The following VAV2 variants were observed in gnomAD, a reference collection of about 807,000 sequenced individuals.
VAV2 encodes guanine nucleotide exchange factor VAV2.
In VAV2, 67 loss-of-function variants were observed where a neutral mutation model predicts 132.5. That is an observed-to-expected ratio of 0.51 (90% CI 0.42 to 0.62). The LOEUF (loss-of-function observed/expected upper bound fraction) is 0.62. VAV2 is among the 20% of genes least tolerant of loss of function. The pLI is 0.00. For synonymous variants in VAV2, 492 were observed against 443.5 expected (o/e 1.11, Z -1.37); for missense variants, 938 against 1,153.6 (o/e 0.81, Z 2.71).
chr9:133,915,668 GCACA>G (rs199923012), intron 2 of VAV2, among the ~76,000 whole-genome samples: 6 of 147,958 alleles, frequency 4.1e-5, no homozygotes, highest in Non-Finnish European at 6.0e-5. Context: ...ACGCACACAT[GCACA>G]CACACACAAT....
In VAV2 at chr9:133,769,061, ACCCAAGT is replaced by A. The variant is rs1445660804; in HGVS notation, c.2434+349_2434+355del. Among the ~76,000 whole-genome samples, 1 of 152,204 alleles carries A rather than the reference ACCCAAGT, an allele frequency of 6.6e-6. No homozygotes were observed. Among genetic ancestry groups the A allele is most frequent in the African/African-American group, 2.4e-5 (1 of 41,450 alleles). On this transcript the variant is annotated intron_variant, in intron 28 of 29. Transcript: ENST00000371850. The surrounding 1 kb of genome is among the most constrained non-coding windows in gnomAD (Gnocchi z 8.1). ...CTGACTGAAAACCCCTCCTCCCTGC[ACCCAAGT>A]CCCACAGCTCCTCCTCGTGGCCACC...
chr9:133,888,805 G>A (rs1564438147), intron 2 of VAV2, among the ~76,000 whole-genome samples: 1 of 152,192 alleles, frequency 6.6e-6, no homozygotes, highest in Non-Finnish European at 1.5e-5. Context: ...TTAATTTCTA[G>A]GTCCAGGGAG....
intron 13 of VAV2, 102 bp from the exon 14 acceptor site, chr9:133,789,445 C>T: frequency 9.0e-7 from 1 of 1,108,806 alleles, no homozygotes; most frequent in Non-Finnish European, 1.4e-6. Flanking sequence ...GAACTCCCCA[C>T]AGGCAGCAGA....
chr9:133,930,809 T>C (rs1840659542), intron 2 of VAV2, among the ~76,000 whole-genome samples: 5 of 152,022 alleles, frequency 3.3e-5, no homozygotes, highest in African/African-American at 1.2e-4. Flanking sequence ...AGGTGACCGG[T>C]GGTGTGCGTC....
At chr9:133,781,449 C>T (rs1834003793) in intron 19 of VAV2, among the ~76,000 whole-genome samples, 1 of 152,236 alleles carries the variant, frequency 6.6e-6, no homozygotes, top group Non-Finnish European at 1.5e-5. Context: ...TATCCACAGA[C>T]ACCACAGAAC....
intron 4 of VAV2, among the ~76,000 whole-genome samples, chr9:133,819,808 A>C (rs1000065163): frequency 3.3e-5 from 5 of 152,202 alleles, no homozygotes; most frequent in African/African-American, 7.2e-5. Flanking sequence ...TGAAATTCTA[A>C]AACAGTGGAA....
intron 2 of VAV2, among the ~76,000 whole-genome samples, chr9:133,878,909 A>T (rs1479310405): frequency 6.6e-6 from 1 of 152,196 alleles, no homozygotes; most frequent in African/African-American, 2.4e-5. Flanking sequence ...GCTCCTCCGC[A>T]GGGGCAGAAA....
intron 2 of VAV2, among the ~76,000 whole-genome samples, chr9:133,891,156 C>A (rs912969043): frequency 6.7e-6 from 1 of 149,864 alleles, no homozygotes; most frequent in African/African-American, 2.5e-5. Context: ...GCCCGGGGGA[C>A]AAGGGTGCAG....
intron 7 of VAV2, among the ~76,000 whole-genome samples, chr9:133,808,480 T>C (rs1354527488): frequency 5.9e-5 from 9 of 151,472 alleles, no homozygotes; most frequent in African/African-American, 2.2e-4. Flanking sequence ...CCAGGTGGGG[T>C]AGGGGAGGTG....
chr9:133,803,033 A>C (rs10123623), intron 9 of VAV2, among the ~76,000 whole-genome samples: 8 of 151,946 alleles, frequency 5.3e-5, no homozygotes, highest in African/African-American at 1.9e-4. Context: ...GTGGACCATG[A>C]CCGGGGACTC....
chr9:133,779,789 C>A (rs997185118), intron 21 of VAV2, 129 bp downstream of exon 21: 84 of 1,284,438 alleles, frequency 6.5e-5, no homozygotes, highest in Middle Eastern at 4.4e-4. Flanking sequence ...GCCCAGATGG[C>A]AGCATCCAGG....
At chr9:133,853,819 G>GCAC (rs534881949) in intron 3 of VAV2, among the ~76,000 whole-genome samples, 21 of 152,232 alleles carry the variant, frequency 1.4e-4, no homozygotes, top group Middle Eastern at 3.4e-3. Flanking sequence ...ACCATGAGGA[G>GCAC]CACCAGCCCT....
chr9:133,803,268 G>A (rs1459348221), intron 9 of VAV2, among the ~76,000 whole-genome samples: 4 of 152,136 alleles, frequency 2.6e-5, no homozygotes, highest in Admixed American at 1.3e-4. Context: ...TCCCAAAAGC[G>A]CTCGTGCAAA....
chr9:133,979,015 G>A (rs1489712955), intron 1 of VAV2, among the ~76,000 whole-genome samples: 1 of 152,232 alleles, frequency 6.6e-6, no homozygotes, highest in Non-Finnish European at 1.5e-5. Context: ...GCCAGCTCCT[G>A]ACCCCAGTGT....
At chr9:133,908,960 A>G (rs1588352736) in intron 2 of VAV2, among the ~76,000 whole-genome samples, 1 of 152,232 alleles carries the variant, frequency 6.6e-6, no homozygotes, top group Non-Finnish European at 1.5e-5. Context: ...CAGAACTCAC[A>G]CCTTCCACTA....
In VAV2 at chr9:133,802,963, T is replaced by TC. The variant is rs1429087007; in HGVS notation, c.836+3117_836+3118insG. On this transcript the variant is annotated intron_variant, in intron 9 of 29. Coordinates refer to ENST00000371850, the MANE Select transcript of VAV2 (RefSeq NM_001134398.2). This position sits in a 1 kb window ranked among gnomAD's most constrained non-coding sequence, Gnocchi z 5.8. Reference sequence around the variant, plus strand: ...AGCTGAGGCTTCTTGACTTCAGAGGTTCCCAAAGGCAGCCCTGCCAGAGCA... The same window carrying TC: ...AGCTGAGGCTTCTTGACTTCAGAGGTCTCCCAAAGGCAGCCCTGCCAGAGCA... Among the ~76,000 whole-genome samples, 4 of 152,094 alleles carry TC rather than the reference T, an allele frequency of 2.6e-5. No individual in the cohort carries two copies. The highest frequency in any genetic ancestry group is 2.6e-4 in the Admixed American group (4 of 15,282).
At chr9:133,784,218 T>A in intron 18 of VAV2, 99 bp downstream of exon 18, 1 of 1,344,620 alleles carries the variant, frequency 7.4e-7, no homozygotes, top group African/African-American at 1.4e-5. Context: ...CCTCAGGGCC[T>A]CCCACAGGGA....
chr9:133,941,564 A>G (rs944976507), intron 1 of VAV2, among the ~76,000 whole-genome samples: 1 of 150,976 alleles, frequency 6.6e-6, no homozygotes, highest in African/African-American at 2.4e-5. Context: ...ATTCTGAAGA[A>G]TACAGACATG....
intron 2 of VAV2, among the ~76,000 whole-genome samples, chr9:133,930,824 G>A (rs2810516): frequency 0.85 from 129,704 of 152,190 alleles, 56,654 homozygotes; most frequent in East Asian, 0.97. Context: ...TGCGTCCAGC[G>A]TCGCCAGCTG....
Sources: allele counts gnomAD v4.1 joint callset (sites outside exome capture counted in the v4.1 genomes callset), GRCh38; gene constraint gnomAD v4.1.1; non-coding constraint Gnocchi (gnomAD v3.1); transcripts MANE v1.5; gene names NCBI Gene and HGNC (gene_info 2026-07-23, HGNC 2026-07-21).